Variants in PTPRQ observed in about 807,000 individuals in gnomAD.
The protein encoded by PTPRQ is protein tyrosine phosphatase receptor type Q, also known as phosphatidylinositol phosphatase PTPRQ.
In PTPRQ, 199 loss-of-function variants were observed where a neutral mutation model predicts 246.0. That is an observed-to-expected ratio of 0.81 (90% CI 0.72 to 0.91). The LOEUF is 0.91. Ranked by LOEUF, PTPRQ falls within the 40% of genes least tolerant of loss-of-function variation. PTPRQ has a pLI of 0.00. For synonymous variants in PTPRQ, 869 were observed against 853.2 expected, an observed-to-expected ratio of 1.02 and a Z score of -0.32; for missense variants, 2,624 against 2,528.4, an observed-to-expected ratio of 1.04 and a Z score of -0.81.
chr12:80,574,958 A>G (rs1210810602), intron 25 of PTPRQ, among the ~76,000 whole-genome samples: 9 of 152,172 alleles, frequency 5.9e-5, no homozygotes, highest in Non-Finnish European at 1.3e-4. Flanking sequence ...GCAGCCTCAT[A>G]CTTTATTCTC....
intron 39 of PTPRQ, among the ~76,000 whole-genome samples, chr12:80,668,247 A>T (rs2083770513): frequency 6.6e-6 from 1 of 151,952 alleles, no homozygotes; most frequent in Admixed American, 6.6e-5. Context: ...CTCAAGTGTC[A>T]TGCTTTTATG....
Position 80,495,329 on chromosome 12 carries a change from G to T in PTPRQ, c.1840G>T (p.Ala614Ser). ...TGCAATGGAATTGGATACAAACAGA[G>T]CATTCCAGATAACTACCATAGATAA... ...IYAMELDTNRAFQITTIDNSF... is the reference protein window; with the variant it reads ...IYAMELDTNRSFQITTIDNSF... The change falls in exon 12 of 45, where the codon GCA becomes TCA. Residue 614 changes from alanine (A) to serine (S), a missense_variant. Transcript: ENST00000644991. The T allele has an allele frequency of 1.3e-6, 2 of 1,536,276 alleles. No homozygotes were observed. The highest frequency in any genetic ancestry group is 8.7e-7 in the Non-Finnish European group (1 of 1,142,862).
intron 19 of PTPRQ, among the ~76,000 whole-genome samples, chr12:80,536,884 A>G (rs1457209709): frequency 6.6e-6 from 1 of 152,198 alleles, no homozygotes; most frequent in Non-Finnish European, 1.5e-5. Flanking sequence ...TCTAAATTTT[A>G]GCAATCATTT....
intron 8 of PTPRQ, among the ~76,000 whole-genome samples, chr12:80,480,674 C>G (rs1281885220): frequency 6.6e-6 from 1 of 151,936 alleles, no homozygotes; most frequent in Non-Finnish European, 1.5e-5. Flanking sequence ...AGACGCAATA[C>G]AAAATGATAA....
At chr12:80,649,520 A>C in intron 36 of PTPRQ, 68 bp from the exon 37 acceptor site, 2 of 1,500,618 alleles carry the variant, frequency 1.3e-6, no homozygotes, top group Non-Finnish European at 1.8e-6. Context: ...AAGTGAAGCC[A>C]GTGCCAATGC....
intron 17 of PTPRQ, among the ~76,000 whole-genome samples, chr12:80,515,038 T>G (rs2120733251): frequency 6.6e-6 from 1 of 152,036 alleles, no homozygotes; most frequent in East Asian, 1.9e-4. Context: ...ATTAACATAC[T>G]TTAGTGTCTT....
intron 25 of PTPRQ, among the ~76,000 whole-genome samples, chr12:80,562,953 G>A (rs1236424272): frequency 6.6e-6 from 1 of 151,846 alleles, no homozygotes; most frequent in African/African-American, 2.4e-5. Flanking sequence ...AAAAATAAGA[G>A]AATACTACAA....
intron 34 of PTPRQ, 144 bp from the exon 35 acceptor site, chr12:80,634,801 G>A: frequency 8.4e-7 from 1 of 1,189,984 alleles, no homozygotes; most frequent in Non-Finnish European, 1.1e-6. Context: ...AAGTCGAGTA[G>A]CTATAAATTT....
intron 43 of PTPRQ, among the ~76,000 whole-genome samples, chr12:80,673,937 C>T (rs1901054910): frequency 6.6e-6 from 1 of 152,072 alleles, no homozygotes. Flanking sequence ...CTATACTAGA[C>T]CCTTCACATG....
chr12:80,670,269 C>G, intron 41 of PTPRQ, 75 bp from the exon 42 acceptor site: 1 of 1,515,630 alleles, frequency 6.6e-7, no homozygotes, highest in Non-Finnish European at 8.8e-7. Flanking sequence ...CCTTCAAAAA[C>G]TGGGACTATT....
At chr12:80,615,307 A>T (rs1290779264) in intron 29 of PTPRQ, among the ~76,000 whole-genome samples, 1 of 151,072 alleles carries the variant, frequency 6.6e-6, no homozygotes, top group Admixed American at 6.6e-5. Flanking sequence ...TGTAATATTA[A>T]CTCAATAAAA....
intron 17 of PTPRQ, among the ~76,000 whole-genome samples, chr12:80,522,885 G>A (rs1264939490): frequency 6.6e-6 from 1 of 152,206 alleles, no homozygotes; most frequent in Non-Finnish European, 1.5e-5. Flanking sequence ...CATAAAATGA[G>A]TTAGGGAGGA....
chr12:80,560,206 C>G (rs1447016987), intron 25 of PTPRQ, among the ~76,000 whole-genome samples: 1 of 152,158 alleles, frequency 6.6e-6, no homozygotes, highest in Non-Finnish European at 1.5e-5. Context: ...GACCTTTATC[C>G]TTTGGAGGTT....
At chr12:80,558,550 T>C (rs1353836863) in intron 25 of PTPRQ, among the ~76,000 whole-genome samples, 25 of 151,680 alleles carry the variant, frequency 1.6e-4, no homozygotes, top group Admixed American at 1.6e-3. Flanking sequence ...ATGTGAGTTG[T>C]GTCCATTTTG....
chr12:80,571,374 A>G (rs1204658009), intron 25 of PTPRQ, among the ~76,000 whole-genome samples: 1 of 152,194 alleles, frequency 6.6e-6, no homozygotes, highest in Non-Finnish European at 1.5e-5. Flanking sequence ...TGCTGACCTC[A>G]TGATCTACCA....
chr12:80,647,664 T>C (rs919738832), intron 35 of PTPRQ, among the ~76,000 whole-genome samples: 1 of 152,190 alleles, frequency 6.6e-6, no homozygotes, highest in Non-Finnish European at 1.5e-5. Flanking sequence ...ATTCTTCTCA[T>C]TTGGTAGCCC....
intron 26 of PTPRQ, among the ~76,000 whole-genome samples, chr12:80,592,733 C>A (rs1016213441): frequency 6.6e-6 from 1 of 151,954 alleles, no homozygotes; most frequent in Middle Eastern, 3.2e-3. Context: ...TGGCATGAGT[C>A]ATGTGGTGGC....
In PTPRQ at chr12:80,471,473, C is replaced by CTTTTTTTT. The variant is rs1364723133; in HGVS notation, c.1040-632_1040-631insTTTTTTTT. ...TATAGAAGATAATGAAATTATTTAG[C>CTTTTTTTT]ATTTTTTTTTTTTTTTTTATTTGAG... On this transcript the variant is annotated intron_variant, in intron 7 of 44. Transcript: ENST00000644991. Among the ~76,000 whole-genome samples, 8 of 38,030 alleles carry CTTTTTTTT rather than the reference C, an allele frequency of 2.1e-4. No individual in the cohort carries two copies. The South Asian group carries it at 2.9e-3, about 14-fold the overall frequency. The allele number at this position is 38,030 out of a possible 152,430, so 24.9% of individuals were successfully genotyped here.
intron 43 of PTPRQ, among the ~76,000 whole-genome samples, chr12:80,674,911 T>A (rs1375515492): frequency 2.6e-5 from 4 of 152,168 alleles, no homozygotes; most frequent in Admixed American, 2.6e-4. Flanking sequence ...TCCAGGAGTA[T>A]GATGAATGTG....
Sources: allele counts gnomAD v4.1 joint callset (sites outside exome capture counted in the v4.1 genomes callset), GRCh38; gene constraint gnomAD v4.1.1; transcripts MANE v1.5; gene names NCBI Gene and HGNC (gene_info 2026-07-23, HGNC 2026-07-21).